The following THSD7A variants were observed in gnomAD, a reference collection of about 807,000 sequenced individuals.
The protein encoded by THSD7A is thrombospondin type 1 domain containing 7A.
A neutral mutation model predicts 231.3 loss-of-function variants in THSD7A; 96 were observed. The observed-to-expected ratio is 0.41, with a 90% CI of 0.35 to 0.49. The LOEUF is 0.49. Among genes scored for constraint, THSD7A ranks in the 20% least tolerant of loss-of-function variants. The pLI, the probability that THSD7A is intolerant of heterozygous loss-of-function variation, is 0.05. For synonymous variants in THSD7A, 940 were observed against 743.3 expected (o/e 1.26, Z -4.30); for missense variants, 2,290 against 2,070.2 (o/e 1.11, Z -2.06).
chr7:11,795,109 G>A (rs1375295369), intron 1 of THSD7A, among the ~76,000 whole-genome samples: 3 of 151,700 alleles, frequency 2.0e-5, no homozygotes, highest in Non-Finnish European at 4.4e-5. Flanking sequence ...AACGTCACAG[G>A]GGTTTTTGTT....
rs1554339240 is a variant in THSD7A at position 11,566,965 on chromosome 7, TG to T, written c.1453+23494del. Among the ~76,000 whole-genome samples, 9 of 92,378 alleles carry T rather than the reference TG, an allele frequency of 9.7e-5. No homozygotes were observed. In the South Asian group the frequency reaches 2.1e-3, roughly 22 times the overall value. 60.6% of individuals were successfully genotyped at this position (92,378 alleles called of 152,430 possible). On this transcript the variant is annotated intron_variant, in intron 4 of 27. Transcript: ENST00000423059. ...CAAAGTGGATCCAGCTGTGGGAGAG[TG>T]GGGGGGGGACTGACCAACAAAGTTT...
rs1035171038 is a variant in THSD7A, at chr7:11,375,221, G to A, written c.*573C>T. 3 of 151,778 alleles carry A rather than the reference G, an allele frequency of 2.0e-5. No homozygotes were observed. The highest frequency in any genetic ancestry group is 7.3e-5 in the African/African-American group (3 of 41,340). The allele number at this position is 151,778 out of a possible 1,614,324, so 9.4% of individuals were successfully genotyped here. Reference sequence around the variant, plus strand: ...AAGAGGCTTTGTCTCTGAAATGCAGGTCAATAAAATCTACCATCGACCACC... The same window carrying A: ...AAGAGGCTTTGTCTCTGAAATGCAGATCAATAAAATCTACCATCGACCACC... On this transcript the variant is annotated 3_prime_UTR_variant, in exon 28 of 28. Coordinates refer to ENST00000423059, the MANE Select transcript of THSD7A (RefSeq NM_015204.3).
intron 1 of THSD7A, among the ~76,000 whole-genome samples, chr7:11,713,177 C>A (rs1163396948): frequency 1.3e-5 from 2 of 151,250 alleles, no homozygotes; most frequent in African/African-American, 4.8e-5. Flanking sequence ...AACCAGTTAG[C>A]AGCCAGATAA....
chr7:11,662,407 T>C (rs1199946328), intron 1 of THSD7A, among the ~76,000 whole-genome samples: 1 of 151,310 alleles, frequency 6.6e-6, no homozygotes, highest in Non-Finnish European at 1.5e-5. Flanking sequence ...CTCAAACGTA[T>C]TTTAAAATGG....
intron 13 of THSD7A, among the ~76,000 whole-genome samples, chr7:11,441,353 C>T (rs1040645538): frequency 5.9e-5 from 9 of 152,010 alleles, no homozygotes; most frequent in African/African-American, 2.2e-4. Flanking sequence ...AGGGGTGGCA[C>T]AATACCATTC....
At position 11,557,918 on chromosome 7, in the gene THSD7A, C is replaced by T. The variant is rs545629477; in HGVS notation, c.1454-14801G>A. ...AGGGTGAAAACTGAGGTTCCCATCA[C>T]GACTTTGCTGATATGGGTGAGGGTA... On this transcript the variant is annotated intron_variant, in intron 4 of 27. Transcript: ENST00000423059. Among the ~76,000 whole-genome samples, 7 of 152,212 alleles carry T rather than the reference C, an allele frequency of 4.6e-5. No homozygotes were observed. The East Asian group carries it at 1.2e-3, about 25-fold the overall frequency.
rs1470596832 is a variant in THSD7A at position 11,701,343 on chromosome 7, T to C, written c.191-64382A>G. ...CAATATGTAGATCTTTCTTTAACGATGTGAAAACCATTTGAAGACTGAAGC... is the reference window on the plus strand; with the variant it reads ...CAATATGTAGATCTTTCTTTAACGACGTGAAAACCATTTGAAGACTGAAGC... On this transcript the variant is annotated intron_variant, in intron 1 of 27. Transcript: ENST00000423059. 3.3e-5 allele frequency among the ~76,000 whole-genome samples: 5 copies of C among 151,212 alleles called. No individual in the cohort carries two copies. In the Admixed American group the frequency reaches 3.3e-4, roughly 10 times the overall value.
At chr7:11,596,668 G>C (rs1780371658) in intron 2 of THSD7A, among the ~76,000 whole-genome samples, 2 of 152,372 alleles carry the variant, frequency 1.3e-5, no homozygotes, top group African/African-American at 4.8e-5. Context: ...AGACGCAGGG[G>C]TGGTGATTCC....
At chr7:11,539,087 G>T (rs1789035176) in intron 6 of THSD7A, among the ~76,000 whole-genome samples, 1 of 152,040 alleles carries the variant, frequency 6.6e-6, no homozygotes, top group African/African-American at 2.4e-5. Context: ...CAGGCCTAGA[G>T]GTAGAGTCTA....
intron 1 of THSD7A, among the ~76,000 whole-genome samples, chr7:11,650,973 A>G (rs192398943): frequency 1.7e-3 from 260 of 152,134 alleles, no homozygotes; most frequent in Non-Finnish European, 2.6e-3. Flanking sequence ...AGGGCCTACA[A>G]TGTGCTAGGT....
At position 11,424,847 on chromosome 7, in the gene THSD7A, C is replaced by G. The variant is rs751286452; in HGVS notation, c.3250-18G>C. 1 of 1,612,104 alleles carries G rather than the reference C, an allele frequency of 6.2e-7. No individual in the cohort carries two copies. The highest frequency in any genetic ancestry group is 1.4e-5 in the African/African-American group (1 of 73,722). ...TCATACACCTGAAACACACATGGTT[C>G]TCAGCAATCTCAGGGAATCTGGTAA... On this transcript the variant is annotated intron_variant, in intron 15 of 27. Transcript: ENST00000423059.
At position 11,494,436 on chromosome 7, in the gene THSD7A, T is replaced by A. The variant is rs1787018593; in HGVS notation, c.1823-12454A>T. 3.3e-5 allele frequency among the ~76,000 whole-genome samples: 5 copies of A among 152,026 alleles called. No individual in the cohort carries two copies. In the South Asian group the frequency reaches 8.3e-4, roughly 25 times the overall value. ...ACTAGAGACTCAAACCTCTCCCCAA[T>A]CTAAATCAGCCTATGACTAAAGTTC... On this transcript the variant is annotated intron_variant, in intron 6 of 27. Coordinates refer to ENST00000423059, the MANE Select transcript of THSD7A (RefSeq NM_015204.3).
chr7:11,407,037 C>G lies in THSD7A; in HGVS notation c.3935G>C (p.Arg1312Pro). Residue 1312 changes from arginine to proline, a missense_variant, in exon 21 of 28, where the codon CGA (arginine) becomes CCA (proline). Coordinates refer to ENST00000423059, the MANE Select transcript of THSD7A (RefSeq NM_015204.3). ...ACCTTGAAAGGGCTGGGTCACTGTT[C>G]GTCTTCGGATCATTTTTCCTTGAAG... Reference protein sequence around the residue: ...CGLTGKMIRRRTVTQPFQGDG... With the variant: ...CGLTGKMIRRPTVTQPFQGDG... 1 of 1,613,638 alleles carries G rather than the reference C, an allele frequency of 6.2e-7. No individual in the cohort carries two copies. Among genetic ancestry groups the G allele is most frequent in the Non-Finnish European group, 8.5e-7 (1 of 1,179,814 alleles).
At position 11,474,266 on chromosome 7, in the gene THSD7A, G is replaced by C; in HGVS notation, c.2252+68C>G. 1.5e-6 allele frequency: 2 copies of C among 1,329,912 alleles called. No homozygotes were observed. The highest frequency in any genetic ancestry group is 1.4e-5 in the South Asian group (1 of 70,072). The allele number at this position is 1,329,912 out of a possible 1,614,324, so 82.4% of individuals were successfully genotyped here. On this transcript the variant is annotated intron_variant, in intron 8 of 27. Coordinates refer to ENST00000423059, the MANE Select transcript of THSD7A (RefSeq NM_015204.3). The surrounding 1 kb of genome is among the most constrained non-coding windows in gnomAD (Gnocchi z 4.1). ...CAAAATGTTCCATTTCATGAAGCCA[G>C]TGAAGCCTGAGCCAATCCTCTGCAC...
chr7:11,773,436 A>G (rs1180250861), intron 1 of THSD7A, among the ~76,000 whole-genome samples: 11 of 152,148 alleles, frequency 7.2e-5, no homozygotes. Context: ...AGGCTGAGGC[A>G]GGAGAATTGC....
intron 13 of THSD7A, among the ~76,000 whole-genome samples, chr7:11,438,314 T>C (rs1784696031): frequency 6.6e-6 from 1 of 152,020 alleles, no homozygotes; most frequent in Non-Finnish European, 1.5e-5. Context: ...AATGTAAAGA[T>C]ATTCTATTAA....
intron 4 of THSD7A, among the ~76,000 whole-genome samples, chr7:11,581,487 T>C (rs1791162066): frequency 6.6e-6 from 1 of 152,136 alleles, no homozygotes; most frequent in Admixed American, 6.6e-5. Flanking sequence ...TTTTGTCTTT[T>C]CCATTAGCAA....
At chr7:11,460,164 T>C (rs761677347) in intron 11 of THSD7A, among the ~76,000 whole-genome samples, 24 of 152,116 alleles carry the variant, frequency 1.6e-4, no homozygotes, top group Non-Finnish European at 2.9e-4. Flanking sequence ...TAAAAATCAG[T>C]ACTAAATATG....
intron 4 of THSD7A, among the ~76,000 whole-genome samples, chr7:11,573,457 C>T (rs910770651): frequency 6.6e-6 from 1 of 152,238 alleles, no homozygotes; most frequent in Non-Finnish European, 1.5e-5. Context: ...CTTCACCTCC[C>T]TCTGTGGCAA....
Sources: gnomAD v4.1 joint callset for allele counts (sites outside exome capture counted in the v4.1 genomes callset) on GRCh38, gnomAD v4.1.1 for gene constraint, Gnocchi (gnomAD v3.1) non-coding constraint, MANE v1.5 for transcripts, NCBI Gene and HGNC (gene_info 2026-07-23, HGNC 2026-07-21) for gene names.